The following HHLA2 variants were observed in gnomAD, a reference collection of about 807,000 sequenced individuals.
HHLA2 encodes HHLA2 member of B7 family, also known as HERV-H LTR-associating protein 2.
HHLA2 carries 48 observed loss-of-function variants against 45.9 expected under a neutral mutation model. The observed-to-expected ratio is 1.05, with a 90% CI of 0.83 to 1.33. HHLA2 has a LOEUF of 1.33. HHLA2 is among the 40% of genes most tolerant of loss of function. The pLI is 0.00. For missense variants in HHLA2, 462 were observed against 494.3 expected (o/e 0.93, Z 0.62); for synonymous variants, 161 against 173.9 (o/e 0.93, Z 0.59).
intron 3 of HHLA2, among the ~76,000 whole-genome samples, chr3:108,329,044 G>T (rs1172135612): frequency 6.6e-6 from 1 of 152,188 alleles, no homozygotes; most frequent in African/African-American, 2.4e-5. Flanking sequence ...TGAACAGTTG[G>T]CTCAGTACCC....
intron 2 of HHLA2, chr3:108,311,864 G>A (rs929304746): frequency 5.9e-5 from 9 of 152,206 alleles, no homozygotes; most frequent in African/African-American, 2.2e-4. Flanking sequence ...GGTATGAACA[G>A]AATTGTGCAG....
chr3:108,315,595 ATGT>A (rs1161454146), intron 2 of HHLA2, among the ~76,000 whole-genome samples: 6 of 152,212 alleles, frequency 3.9e-5, no homozygotes, highest in African/African-American at 1.4e-4. Context: ...TCCATTTAGA[ATGT>A]TAAGAGCAGA....
chr3:108,369,820 C>T (rs1344579581), intron 8 of HHLA2, among the ~76,000 whole-genome samples: 3 of 152,198 alleles, frequency 2.0e-5, no homozygotes, highest in Non-Finnish European at 4.4e-5. Context: ...CCAGGAAGCT[C>T]GAACTGGGTG....
chr3:108,361,694 TGGG>T lies in HHLA2; in HGVS notation c.1004-645_1004-643del, dbSNP rs1253213603. Among the ~76,000 whole-genome samples, 7 of 152,196 alleles carry T rather than the reference TGGG, an allele frequency of 4.6e-5. No homozygotes were observed. The East Asian group carries it at 1.4e-3, about 29-fold the overall frequency. ...AGTACTAAGGTTTCAGGCATCCACTTGGGGGACTTGGAATGTATCCCCCAGGGA... is the reference window on the plus strand; with the variant it reads ...AGTACTAAGGTTTCAGGCATCCACTTGGACTTGGAATGTATCCCCCAGGGA... On this transcript the variant is annotated intron_variant, in intron 7 of 10. Coordinates refer to ENST00000619531, the Ensembl canonical transcript of HHLA2.
intron 7 of HHLA2, among the ~76,000 whole-genome samples, chr3:108,359,419 G>A (rs1486029844): frequency 6.6e-6 from 1 of 152,190 alleles, no homozygotes; most frequent in Non-Finnish European, 1.5e-5. Context: ...CAGCAGGCCA[G>A]GGAACAGGGC....
intron 10 of HHLA2, chr3:108,376,828 A>G (rs1204702885): frequency 2.5e-6 from 1 of 392,194 alleles, no homozygotes; most frequent in African/African-American, 2.1e-5. Flanking sequence ...GGCATTGTGC[A>G]TATGAGGGTG....
At chr3:108,315,364 C>T (rs16854439) in intron 2 of HHLA2, among the ~76,000 whole-genome samples, 1,562 of 152,280 alleles carry the variant, frequency 0.01, 26 homozygotes, top group African/African-American at 0.036. Context: ...ATAGCTTAAA[C>T]GTGTGTCCAG....
chr3:108,340,716 G>A (rs1189792376), intron 3 of HHLA2, among the ~76,000 whole-genome samples: 1 of 152,112 alleles, frequency 6.6e-6, no homozygotes, highest in East Asian at 1.9e-4. Context: ...GTCATAAGAT[G>A]TCAAATTCAT....
chr3:108,348,891 G>A (rs1249210533), intron 3 of HHLA2, among the ~76,000 whole-genome samples: 1 of 150,892 alleles, frequency 6.6e-6, no homozygotes, highest in Non-Finnish European at 1.5e-5. Context: ...TGCAGCGTTT[G>A]GTTTTCTGAT....
intron 1 of HHLA2, among the ~76,000 whole-genome samples, chr3:108,303,810 G>C (rs566284113): frequency 6.6e-6 from 1 of 151,990 alleles, no homozygotes; most frequent in Admixed American, 6.6e-5. Context: ...GTACGTGATG[G>C]GCTCTTGATT....
intron 2 of HHLA2, among the ~76,000 whole-genome samples, chr3:108,319,865 T>C (rs1210685085): frequency 1.3e-5 from 2 of 152,228 alleles, no homozygotes; most frequent in African/African-American, 2.4e-5. Context: ...TTGCTCTGAA[T>C]AGGATTCTTC....
intron 8 of HHLA2, among the ~76,000 whole-genome samples, chr3:108,366,669 A>G (rs1167776220): frequency 6.6e-6 from 1 of 152,156 alleles, no homozygotes; most frequent in Non-Finnish European, 1.5e-5. Flanking sequence ...TTATTGGTTT[A>G]TTCAGAGATT....
At chr3:108,338,461 G>C (rs2081511728) in intron 3 of HHLA2, among the ~76,000 whole-genome samples, 1 of 151,508 alleles carries the variant, frequency 6.6e-6, no homozygotes, top group Non-Finnish European at 1.5e-5. Flanking sequence ...CATGCTTGTT[G>C]GGGGGCACTC....
chr3:108,312,820 C>T (rs957399417), intron 2 of HHLA2, among the ~76,000 whole-genome samples: 1 of 152,160 alleles, frequency 6.6e-6, no homozygotes, highest in Non-Finnish European at 1.5e-5. Context: ...CTGGCTCTGC[C>T]TCAAGGGAAC....
chr3:108,352,055 A>T (rs1177503085), intron 4 of HHLA2, among the ~76,000 whole-genome samples, 178 bp downstream of exon 3: 1 of 151,720 alleles, frequency 6.6e-6, no homozygotes, highest in Non-Finnish European at 1.5e-5. Context: ...AATTATATAT[A>T]TTTTTTCTGT....
chr3:108,364,506 C>T (rs1039445652), intron 8 of HHLA2, among the ~76,000 whole-genome samples: 6 of 152,174 alleles, frequency 3.9e-5, no homozygotes, highest in African/African-American at 1.4e-4. Flanking sequence ...TGGGTATATA[C>T]CCAGTAATGG....
intron 2 of HHLA2, chr3:108,325,722 T>C: frequency 4.1e-6 from 1 of 243,556 alleles, no homozygotes. Flanking sequence ...CCAAATCCAT[T>C]ATAGCCGTGC....
chr3:108,366,077 C>T (rs1481053382), intron 8 of HHLA2, among the ~76,000 whole-genome samples: 1 of 152,162 alleles, frequency 6.6e-6, no homozygotes, highest in African/African-American at 2.4e-5. Flanking sequence ...GGGAATGCTT[C>T]CAGCTTTTGC....
At position 108,358,650 on chromosome 3, in the gene HHLA2, T is replaced by C. The variant is rs181461598; in HGVS notation, c.1003+489T>C. Among the ~76,000 whole-genome samples, 3 of 152,306 alleles carry C rather than the reference T, an allele frequency of 2.0e-5. No individual in the cohort carries two copies. The East Asian group carries it at 5.8e-4, about 29-fold the overall frequency. On this transcript the variant is annotated intron_variant, in intron 7 of 10. Coordinates refer to ENST00000619531, the Ensembl canonical transcript of HHLA2. ...CTAGTTCAGTTCATTTTTACCTCTG[T>C]TGATAGTTCACTGCCAAAAACCATT...
Sources: allele counts gnomAD v4.1 joint callset (sites outside exome capture counted in the v4.1 genomes callset), GRCh38; gene constraint gnomAD v4.1.1; transcripts MANE v1.5; gene names NCBI Gene and HGNC (gene_info 2026-07-23, HGNC 2026-07-21).